The following GULP1 variants were observed in gnomAD, a reference collection of about 807,000 sequenced individuals.
The protein encoded by GULP1 is PTB domain-containing engulfment adapter protein 1.
GULP1 carries 19 observed loss-of-function variants against 40.9 expected under a neutral mutation model. The ratio of observed to expected loss-of-function variants is 0.46; its 90% CI spans 0.32 to 0.68. The LOEUF (loss-of-function observed/expected upper bound fraction) is 0.68. Ranked by LOEUF, GULP1 falls within the 30% of genes least tolerant of loss-of-function variation. The probability of loss-of-function intolerance (pLI) is 0.03; values close to 1 mark genes in which losing one functional copy is unlikely to be tolerated. For missense variants in GULP1, 312 were observed against 362.2 expected (o/e 0.86, Z 1.12); for synonymous variants, 119 against 117.6 (o/e 1.01, Z -0.08).
At chr2:188,342,081 A>G (rs1219683710) in intron 1 of GULP1, among the ~76,000 whole-genome samples, 1 of 152,250 alleles carries the variant, frequency 6.6e-6, no homozygotes, top group Non-Finnish European at 1.5e-5. Context: ...AAACAAAAAT[A>G]TATCAATACA....
intron 6 of GULP1, among the ~76,000 whole-genome samples, chr2:188,535,944 A>G (rs1688831727): frequency 6.6e-6 from 1 of 151,850 alleles, no homozygotes; most frequent in South Asian, 2.1e-4. Context: ...CTTTGATGAT[A>G]AGTGATGTGG....
At chr2:188,536,908 G>A (rs1404086669) in intron 6 of GULP1, among the ~76,000 whole-genome samples, 2 of 128,626 alleles carry the variant, frequency 1.6e-5, no homozygotes, top group Non-Finnish European at 3.3e-5. Flanking sequence ...TCCTTGGTTA[G>A]ATGTATTACT....
At chr2:188,300,588 C>T (rs750095668) in intron 1 of GULP1, among the ~76,000 whole-genome samples, 3 of 152,066 alleles carry the variant, frequency 2.0e-5, no homozygotes, top group African/African-American at 4.8e-5. Flanking sequence ...ACATATATAA[C>T]ATAATTTAGT....
intron 11 of GULP1, chr2:188,589,964 CCTTT>C (rs1703184510): frequency 3.5e-6 from 1 of 286,418 alleles, no homozygotes; most frequent in Non-Finnish European, 6.0e-6. Flanking sequence ...TTCATTGTTT[CCTTT>C]CTTTTCTTTT....
intron 7 of GULP1, among the ~76,000 whole-genome samples, chr2:188,555,683 G>A (rs899589900): frequency 4.6e-5 from 7 of 152,014 alleles, no homozygotes; most frequent in Admixed American, 3.3e-4. Flanking sequence ...ATGTGCGATG[G>A]TGACTGCCTT....
chr2:188,441,421 G>A (rs1349856335), intron 2 of GULP1, among the ~76,000 whole-genome samples: 2 of 152,204 alleles, frequency 1.3e-5, no homozygotes, highest in Non-Finnish European at 2.9e-5. Context: ...GCATTTTGGA[G>A]CTGAGATTTA....
chr2:188,546,911 C>T (rs1692110804), intron 7 of GULP1, among the ~76,000 whole-genome samples: 1 of 151,772 alleles, frequency 6.6e-6, no homozygotes, highest in African/African-American at 2.4e-5. Context: ...TAAGAGGATC[C>T]TATAAAGAAC....
Position 188,483,499 on chromosome 2 carries a change from ATAGT to A in GULP1, c.90+9_90+12del. ...CATTCCCTATAATGCAAAGGTAAAA[ATAGT>A]TCATTTATTATTTAATTTTATTTTG... On this transcript the variant is annotated splice_region_variant and intron_variant, in intron 4 of 11. Transcript: ENST00000409830. 8.1e-7 allele frequency: 1 copy of A among 1,231,926 alleles called. No individual in the cohort carries two copies. The highest frequency in any genetic ancestry group is 2.4e-5 in the East Asian group (1 of 41,632). 76.3% of individuals were successfully genotyped at this position (1,231,926 alleles called of 1,614,324 possible).
chr2:188,371,214 G>T (rs1182395883), intron 1 of GULP1, among the ~76,000 whole-genome samples: 3 of 151,928 alleles, frequency 2.0e-5, no homozygotes, highest in Non-Finnish European at 2.9e-5. Flanking sequence ...CTGAAGCAGG[G>T]TTTCTTGGCA....
At chr2:188,407,749 C>A (rs2053318088) in intron 2 of GULP1, among the ~76,000 whole-genome samples, 1 of 151,982 alleles carries the variant, frequency 6.6e-6, no homozygotes, top group East Asian at 1.9e-4. Context: ...TACAAAACAA[C>A]TAGAAAAATA....
At chr2:188,474,518 A>G (rs1435656707) in intron 2 of GULP1, among the ~76,000 whole-genome samples, 1 of 152,156 alleles carries the variant, frequency 6.6e-6, no homozygotes, top group Admixed American at 6.6e-5. Flanking sequence ...TTATAACAGG[A>G]TAACACTGAG....
chr2:188,460,191 G>A (rs376618497), intron 2 of GULP1, among the ~76,000 whole-genome samples: 31 of 152,176 alleles, frequency 2.0e-4, no homozygotes, highest in African/African-American at 7.0e-4. Context: ...AATGTCGTTG[G>A]TATTTTGATA....
chr2:188,495,764 C>T (rs1305884583), intron 4 of GULP1, among the ~76,000 whole-genome samples: 1 of 151,854 alleles, frequency 6.6e-6, no homozygotes, highest in Non-Finnish European at 1.5e-5. Flanking sequence ...ATGGTTGGTG[C>T]TCATTAAATG....
chr2:188,524,518 A>G (rs890424976), intron 5 of GULP1, among the ~76,000 whole-genome samples: 4 of 151,832 alleles, frequency 2.6e-5, no homozygotes, highest in South Asian at 4.1e-4. Flanking sequence ...CATTTTGTAT[A>G]TCAGGAAAGT....
intron 2 of GULP1, among the ~76,000 whole-genome samples, chr2:188,472,083 T>G (rs1382431014): frequency 6.6e-6 from 1 of 152,174 alleles, no homozygotes; most frequent in Non-Finnish European, 1.5e-5. Flanking sequence ...AGTTTAAATA[T>G]GTCATGACAT....
At chr2:188,306,916 G>A (rs886571939) in intron 1 of GULP1, among the ~76,000 whole-genome samples, 1 of 152,114 alleles carries the variant, frequency 6.6e-6, no homozygotes, top group Non-Finnish European at 1.5e-5. Context: ...AAGAAATAAT[G>A]TTTTGTACTT....
At chr2:188,592,150 A>G (rs1198386207) in intron 11 of GULP1, 1 of 152,000 alleles carries the variant, frequency 6.6e-6, no homozygotes, top group Non-Finnish European at 1.5e-5. Context: ...TGCTTTTCCA[A>G]TATTGATAAC....
At chr2:188,538,126 A>G (rs1025930082) in intron 6 of GULP1, among the ~76,000 whole-genome samples, 2 of 152,054 alleles carry the variant, frequency 1.3e-5, no homozygotes, top group African/African-American at 4.8e-5. Context: ...TGATCCTTCC[A>G]AAGAACTAAC....
chr2:188,387,244 A>G (rs1327395409), intron 2 of GULP1, among the ~76,000 whole-genome samples: 1 of 152,180 alleles, frequency 6.6e-6, no homozygotes, highest in Non-Finnish European at 1.5e-5. Flanking sequence ...CTAAAAAAAA[A>G]AATAAAGAAA....
Sources: gnomAD v4.1 joint callset for allele counts (sites outside exome capture counted in the v4.1 genomes callset) on GRCh38, gnomAD v4.1.1 for gene constraint, MANE v1.5 for transcripts, NCBI Gene and HGNC (gene_info 2026-07-23, HGNC 2026-07-21) for gene names.